The following MBNL2 variants were observed in gnomAD, a reference collection of about 807,000 sequenced individuals.
MBNL2 encodes muscleblind-like protein 2.
MBNL2 carries 17 observed loss-of-function variants against 41.9 expected under a neutral mutation model. The ratio of observed to expected loss-of-function variants is 0.41; its 90% CI spans 0.28 to 0.61. MBNL2 has a LOEUF of 0.61. Ranked by LOEUF, MBNL2 falls within the 20% of genes least tolerant of loss-of-function variation. The pLI is 0.35. For synonymous variants in MBNL2, 195 were observed against 182.9 expected (o/e 1.07, Z -0.53); for missense variants, 336 against 505.6 (o/e 0.66, Z 3.22).
chr13:97,356,783 C>G lies in MBNL2; in HGVS notation c.805-13C>G, dbSNP rs1387457709. ...CCCACTGCCATCATGTGCTCGCTGC[C>G]TGTTATTAAAAGACTCAGTCGACTG... On this transcript the variant is annotated splice_polypyrimidine_tract_variant and intron_variant, in intron 5 of 8. Transcript: ENST00000679496. 5 of 1,360,752 alleles carry G rather than the reference C, an allele frequency of 3.7e-6. No individual in the cohort carries two copies. Among genetic ancestry groups the G allele is most frequent in the Non-Finnish European group, 4.9e-6 (5 of 1,016,614 alleles). The allele number at this position is 1,360,752 out of a possible 1,614,324, so 84.3% of individuals were successfully genotyped here. A position where few individuals can be genotyped will look rare whatever the true frequency, so the allele number is the denominator to read the frequency against.
chr13:97,297,439 G>A (rs1399128582), intron 2 of MBNL2, among the ~76,000 whole-genome samples: 1 of 152,144 alleles, frequency 6.6e-6, no homozygotes, highest in East Asian at 1.9e-4. Flanking sequence ...CAGTCCAGGG[G>A]TTGCGGAGGT....
At chr13:97,285,310 TC>T (rs1347649688) in intron 2 of MBNL2, among the ~76,000 whole-genome samples, 1 of 152,126 alleles carries the variant, frequency 6.6e-6, no homozygotes, top group East Asian at 1.9e-4. Context: ...ATTCATTCGT[TC>T]TCTCTTAACT....
rs547534517 is a variant in MBNL2, at chr13:97,298,741, A to C, written c.174+22332A>C. Among the ~76,000 whole-genome samples, 5 of 152,328 alleles carry C rather than the reference A, an allele frequency of 3.3e-5. 1 individual carries two copies. The highest frequency in any genetic ancestry group is 1.2e-4 in the African/African-American group (5 of 41,582). ...CACAAAAGCATGCATTGGTGAATGA[A>C]TATTTCACACGTACCTATTAAAGTA... On this transcript the variant is annotated intron_variant, in intron 2 of 8. Coordinates refer to ENST00000679496, the MANE Select transcript of MBNL2 (RefSeq NM_001382683.1).
chr13:97,201,099 C>T, the MBNL2 span, among the ~76,000 whole-genome samples: 460 of 152,150 alleles, frequency 3.0e-3, no homozygotes, highest in Non-Finnish European at 5.4e-3. Flanking sequence ...AAACTTTCTT[C>T]GAAAGCCACT....
chr13:97,355,616 T>C (rs1268408507), intron 5 of MBNL2, among the ~76,000 whole-genome samples: 1 of 152,192 alleles, frequency 6.6e-6, no homozygotes, highest in African/African-American at 2.4e-5. Flanking sequence ...TTAGTTTTTT[T>C]TTTACAACAA....
At chr13:97,198,007 C>G in the MBNL2 span, among the ~76,000 whole-genome samples, 4 of 152,160 alleles carry the variant, frequency 2.6e-5, no homozygotes, top group Non-Finnish European at 5.9e-5. Flanking sequence ...CTGAGCATCT[C>G]ATAGGCATCT....
the MBNL2 span, among the ~76,000 whole-genome samples, chr13:97,152,118 G>A: frequency 6.6e-6 from 1 of 151,884 alleles, no homozygotes; most frequent in Non-Finnish European, 1.5e-5. Context: ...TTACATTCAT[G>A]AAACAAAGAA....
the MBNL2 span, among the ~76,000 whole-genome samples, chr13:97,189,169 T>C: frequency 6.6e-6 from 1 of 152,122 alleles, no homozygotes; most frequent in Non-Finnish European, 1.5e-5. Context: ...TCTGGGATTA[T>C]AGGCGTTAGC....
chr13:97,352,554 A>G (rs2062598717), intron 5 of MBNL2, among the ~76,000 whole-genome samples: 1 of 152,224 alleles, frequency 6.6e-6, no homozygotes, highest in Non-Finnish European at 1.5e-5. Flanking sequence ...AACAATTAAA[A>G]TAGTACATCA....
At chr13:97,144,469 T>C in the MBNL2 span, among the ~76,000 whole-genome samples, 86 of 146,578 alleles carry the variant, frequency 5.9e-4, 1 homozygote, top group Non-Finnish European at 1.2e-3. Context: ...CGTGCTTGTT[T>C]CCTAGGCTGG....
At chr13:97,224,585 A>G (rs2041305363) in intron 1 of MBNL2, among the ~76,000 whole-genome samples, 1 of 146,582 alleles carries the variant, frequency 6.8e-6, no homozygotes, top group Admixed American at 7.1e-5. Flanking sequence ...TACTTGCTAC[A>G]CTTTCCCTCA....
intron 1 of MBNL2, among the ~76,000 whole-genome samples, chr13:97,250,040 A>G (rs1325205676): frequency 1.3e-5 from 2 of 152,164 alleles, no homozygotes; most frequent in Non-Finnish European, 2.9e-5. Context: ...CTTCTTTCTC[A>G]GCTTTTTTTG....
At chr13:97,211,998 G>A in the MBNL2 span, among the ~76,000 whole-genome samples, 31 of 152,270 alleles carry the variant, frequency 2.0e-4, no homozygotes, top group East Asian at 6.0e-3. Context: ...ATATCTAAAG[G>A]TGTCAAAGAA....
At chr13:97,322,359 C>T (rs1007289479) in intron 2 of MBNL2, among the ~76,000 whole-genome samples, 3 of 152,164 alleles carry the variant, frequency 2.0e-5, no homozygotes, top group African/African-American at 7.2e-5. Flanking sequence ...ACATCAAGTA[C>T]AGAAAGTCCC....
chr13:97,155,057 G>A, the MBNL2 span, among the ~76,000 whole-genome samples: 1 of 152,112 alleles, frequency 6.6e-6, no homozygotes, highest in Non-Finnish European at 1.5e-5. Context: ...TCAATTGTGA[G>A]ATGAGCCCAA....
intron 2 of MBNL2, among the ~76,000 whole-genome samples, chr13:97,282,777 T>C (rs2053685639): frequency 6.6e-6 from 1 of 152,220 alleles, no homozygotes; most frequent in African/African-American, 2.4e-5. Flanking sequence ...TATTCAGACT[T>C]CATGTCATAG....
At chr13:97,151,327 T>A in the MBNL2 span, among the ~76,000 whole-genome samples, 2 of 152,144 alleles carry the variant, frequency 1.3e-5, no homozygotes, top group African/African-American at 4.8e-5. Flanking sequence ...TCTCTCACTC[T>A]ATACAACCCT....
At chr13:97,354,804 A>T (rs1215400064) in intron 5 of MBNL2, among the ~76,000 whole-genome samples, 1 of 152,240 alleles carries the variant, frequency 6.6e-6, no homozygotes, top group East Asian at 1.9e-4. Context: ...GAAAAGATCA[A>T]CCCATTAGTG....
the MBNL2 span, among the ~76,000 whole-genome samples, chr13:97,167,396 A>G: frequency 6.6e-6 from 1 of 152,100 alleles, no homozygotes; most frequent in Non-Finnish European, 1.5e-5. Context: ...ATGTAAAAAA[A>G]AAAAAAGAAA....
Sources: gnomAD v4.1 joint callset for allele counts (sites outside exome capture counted in the v4.1 genomes callset) on GRCh38, gnomAD v4.1.1 for gene constraint, MANE v1.5 for transcripts, NCBI Gene and HGNC (gene_info 2026-07-23, HGNC 2026-07-21) for gene names.